The following SLC25A21 variants were observed in gnomAD, a reference collection of about 807,000 sequenced individuals.
SLC25A21 encodes solute carrier family 25 member 21, also known as mitochondrial 2-oxodicarboxylate carrier.
Under a neutral mutation model 43.8 loss-of-function variants are expected in SLC25A21, and 47 were observed. The observed-to-expected ratio is 1.07, with a 90% confidence interval of 0.85 to 1.37. The LOEUF (loss-of-function observed/expected upper bound fraction) is 1.37, where lower values mean the gene tolerates loss of function less well. Among genes scored for constraint, SLC25A21 ranks in the 40% most tolerant of loss-of-function variants. SLC25A21 has a pLI of 0.00. For missense variants in SLC25A21, 352 were observed against 350.2 expected (o/e 1.00, Z -0.04); for synonymous variants, 131 against 121.3 (o/e 1.08, Z -0.52).
intron 1 of SLC25A21, among the ~76,000 whole-genome samples, chr14:37,165,749 G>A (rs1275088601): frequency 6.6e-6 from 1 of 152,162 alleles, no homozygotes; most frequent in Non-Finnish European, 1.5e-5. Context: ...ATCCCTGTGA[G>A]AGTCTGGGGA....
At chr14:36,774,263 G>A (rs935252723) in intron 3 of SLC25A21, among the ~76,000 whole-genome samples, 1 of 152,196 alleles carries the variant, frequency 6.6e-6, no homozygotes, top group African/African-American at 2.4e-5. Flanking sequence ...AATGCTAGTG[G>A]TCTAATCAAT....
At chr14:36,963,562 G>A (rs1001508847) in intron 1 of SLC25A21, among the ~76,000 whole-genome samples, 1 of 152,144 alleles carries the variant, frequency 6.6e-6, no homozygotes, top group African/African-American at 2.4e-5. Flanking sequence ...ATTCCACCTG[G>A]TATTCTGAAC....
At chr14:36,937,355 C>G (rs1168187230) in intron 1 of SLC25A21, among the ~76,000 whole-genome samples, 1 of 152,202 alleles carries the variant, frequency 6.6e-6, no homozygotes, top group Non-Finnish European at 1.5e-5. Flanking sequence ...AATGCCTTCA[C>G]AAACAAAGCA....
chr14:37,007,393 A>G (rs1594749383), intron 1 of SLC25A21, among the ~76,000 whole-genome samples: 1 of 152,050 alleles, frequency 6.6e-6, no homozygotes, highest in South Asian at 2.1e-4. Flanking sequence ...ACTTAAGGTC[A>G]GGAGTTTGAG....
intron 1 of SLC25A21, among the ~76,000 whole-genome samples, chr14:37,037,480 G>A (rs1249395390): frequency 6.6e-6 from 1 of 152,102 alleles, no homozygotes; most frequent in East Asian, 1.9e-4. Flanking sequence ...CTTTCATATG[G>A]AAGAAGCCAT....
chr14:36,934,081 A>G (rs1892358624), intron 1 of SLC25A21, among the ~76,000 whole-genome samples: 1 of 152,162 alleles, frequency 6.6e-6, no homozygotes, highest in Non-Finnish European at 1.5e-5. Context: ...TCAAAATTTA[A>G]GTAGATTTTT....
chr14:36,701,572 C>T (rs1255262091), intron 7 of SLC25A21, among the ~76,000 whole-genome samples: 1 of 151,956 alleles, frequency 6.6e-6, no homozygotes, highest in African/African-American at 2.4e-5. Context: ...CCACTTAGCT[C>T]AAATTATAAA....
chr14:37,022,910 A>G (rs1424123614), intron 1 of SLC25A21, among the ~76,000 whole-genome samples: 2 of 152,060 alleles, frequency 1.3e-5, no homozygotes, highest in Non-Finnish European at 2.9e-5. Context: ...TAGTATAAAA[A>G]CAATAGCATA....
intron 1 of SLC25A21, among the ~76,000 whole-genome samples, chr14:37,071,172 C>T (rs1467936441): frequency 1.3e-5 from 2 of 152,124 alleles, no homozygotes; most frequent in African/African-American, 4.8e-5. Context: ...AAAGCTAATT[C>T]AGAAGGTTTC....
rs151298220 is a variant in SLC25A21, at chr14:37,142,772, G to C, written c.70+29509C>G. Among the ~76,000 whole-genome samples the C allele has an allele frequency of 3.3e-5, 5 of 152,316 alleles. No homozygotes were observed. The East Asian group carries it at 9.6e-4, about 29-fold the overall frequency. ...TTAGAAATGTCCGTTTTTCTCCTTA[G>C]CCTGACTGTCAGAATGAATTGTAAA... On this transcript the variant is annotated intron_variant, in intron 1 of 9. Coordinates refer to ENST00000331299, the MANE Select transcript of SLC25A21 (RefSeq NM_030631.4).
chr14:36,730,951 A>G (rs1169713647), intron 4 of SLC25A21, among the ~76,000 whole-genome samples: 2 of 151,418 alleles, frequency 1.3e-5, no homozygotes, highest in Non-Finnish European at 2.9e-5. Flanking sequence ...TAACCATGGA[A>G]GGAAAAGTGT....
intron 2 of SLC25A21, among the ~76,000 whole-genome samples, chr14:36,816,465 T>A (rs540223630): frequency 2.0e-5 from 3 of 151,840 alleles, no homozygotes; most frequent in Non-Finnish European, 4.4e-5. Context: ...TCTCCTTAAT[T>A]TTTAAAAATG....
At position 37,045,407 on chromosome 14, in the gene SLC25A21, A is replaced by C. The variant is rs112788899; in HGVS notation, c.70+126874T>G. On this transcript the variant is annotated intron_variant, in intron 1 of 9. Transcript: ENST00000331299. ...ATTATTTAAGGGACCCTGTGAGATC[A>C]CATACAGTTGAATGAAAAGACAAAC... Among the ~76,000 whole-genome samples, 316 of 152,334 alleles carry C rather than the reference A, an allele frequency of 2.1e-3. 2 individuals carry two copies. The highest frequency in any genetic ancestry group is 7.1e-3 in the African/African-American group (297 of 41,588).
At chr14:37,030,758 T>C (rs1339425334) in intron 1 of SLC25A21, among the ~76,000 whole-genome samples, 1 of 152,192 alleles carries the variant, frequency 6.6e-6, no homozygotes, top group Non-Finnish European at 1.5e-5. Flanking sequence ...CAGTTTGTAC[T>C]CGTTGGTAAG....
At chr14:36,729,412 A>T (rs1884729188) in intron 5 of SLC25A21, 95 bp downstream of exon 5, 2 of 921,958 alleles carry the variant, frequency 2.2e-6, no homozygotes, top group East Asian at 5.7e-5. Flanking sequence ...TTCATATTTT[A>T]GTAGCTGGGC....
chr14:37,008,236 A>AT (rs1183689613), intron 1 of SLC25A21, among the ~76,000 whole-genome samples: 1 of 152,074 alleles, frequency 6.6e-6, no homozygotes, highest in Non-Finnish European at 1.5e-5. Context: ...TATCCAACTA[A>AT]TTTTCCAGGC....
chr14:37,098,320 C>G (rs1347447075), intron 1 of SLC25A21: 1 of 152,174 alleles, frequency 6.6e-6, no homozygotes, highest in Non-Finnish European at 1.5e-5. Flanking sequence ...TGGAGACAGA[C>G]AGATCTTGGC....
chr14:37,042,974 C>T (rs1961506807), intron 1 of SLC25A21, among the ~76,000 whole-genome samples: 1 of 152,194 alleles, frequency 6.6e-6, no homozygotes, highest in Non-Finnish European at 1.5e-5. Flanking sequence ...TCAGGACAGA[C>T]AGCATCACTC....
intron 1 of SLC25A21, among the ~76,000 whole-genome samples, chr14:36,891,814 G>C (rs1226155706): frequency 6.6e-6 from 1 of 152,128 alleles, no homozygotes; most frequent in Non-Finnish European, 1.5e-5. Context: ...CAAAGAGGCA[G>C]TGATTTAAGT....
Sources: gnomAD v4.1 joint callset for allele counts (sites outside exome capture counted in the v4.1 genomes callset) on GRCh38, gnomAD v4.1.1 for gene constraint, MANE v1.5 for transcripts, NCBI Gene and HGNC (gene_info 2026-07-23, HGNC 2026-07-21) for gene names.